PCDH15: variants seen among roughly 807,000 people sequenced by gnomAD.
The protein encoded by PCDH15 is protocadherin related 15.
Under a neutral mutation model 178.5 loss-of-function variants are expected in PCDH15, and 129 were observed. The ratio of observed to expected loss-of-function variants is 0.72; its 90% CI spans 0.63 to 0.84. The LOEUF (loss-of-function observed/expected upper bound fraction) is 0.84, where lower values mean the gene tolerates loss of function less well. Ranked by LOEUF, PCDH15 falls within the 40% of genes least tolerant of loss-of-function variation. PCDH15 has a pLI of 0.00. For missense variants in PCDH15, 2,230 were observed against 2,099.9 expected (o/e 1.06, Z -1.21); for synonymous variants, 800 against 732.0 (o/e 1.09, Z -1.50).
intron 2 of PCDH15, among the ~76,000 whole-genome samples, chr10:54,911,955 A>T (rs61854521): frequency 0.11 from 17,096 of 152,242 alleles, 1,317 homozygotes; most frequent in East Asian, 0.23. Flanking sequence ...GAAAAGAACT[A>T]ATACAAACAT....
At chr10:53,866,153 G>T (rs1589153809) in intron 27 of PCDH15, among the ~76,000 whole-genome samples, 1 of 152,094 alleles carries the variant, frequency 6.6e-6, no homozygotes, top group East Asian at 1.9e-4. Flanking sequence ...ATAGAACAAA[G>T]AAATAAATAC....
intron 26 of PCDH15, among the ~76,000 whole-genome samples, chr10:53,881,200 T>C (rs1269805817): frequency 6.6e-6 from 1 of 152,180 alleles, no homozygotes; most frequent in African/African-American, 2.4e-5. Flanking sequence ...TTTCAGGATT[T>C]GTTAGCCAGA....
At chr10:54,092,946 T>C (rs1018024905) in intron 15 of PCDH15, among the ~76,000 whole-genome samples, 12 of 152,186 alleles carry the variant, frequency 7.9e-5, no homozygotes, top group Non-Finnish European at 1.5e-5. Flanking sequence ...TTGTGTTTCA[T>C]AAAAGCCAGA....
chr10:54,415,949 T>C (rs969830768), intron 3 of PCDH15, among the ~76,000 whole-genome samples: 2 of 152,004 alleles, frequency 1.3e-5, no homozygotes, highest in African/African-American at 4.8e-5. Context: ...ATAGGTATAA[T>C]ATTTTTTAAA....
chr10:55,197,308 CTATT>C (rs970649853), intron 1 of PCDH15, among the ~76,000 whole-genome samples: 12 of 152,008 alleles, frequency 7.9e-5, no homozygotes, highest in Non-Finnish European at 1.8e-4. Context: ...ATTTTTATCT[CTATT>C]TATTCAATAA....
At chr10:55,529,591 T>A (rs889295698) in intron 2 of PCDH15, among the ~76,000 whole-genome samples, 1 of 151,362 alleles carries the variant, frequency 6.6e-6, no homozygotes, top group Non-Finnish European at 1.5e-5. Flanking sequence ...TTTGCTTTTT[T>A]ATCACTTTAC....
chr10:54,956,532 A>G (rs749023950), intron 2 of PCDH15, among the ~76,000 whole-genome samples: 3 of 151,584 alleles, frequency 2.0e-5, no homozygotes, highest in South Asian at 4.1e-4. Flanking sequence ...AGATTAAAAA[A>G]GAGTTCTACT....
At chr10:53,907,950 G>A (rs2082794797) in intron 25 of PCDH15, among the ~76,000 whole-genome samples, 1 of 152,134 alleles carries the variant, frequency 6.6e-6, no homozygotes, top group African/African-American at 2.4e-5. Context: ...AATCAAGACT[G>A]TGATGCTAGT....
intron 3 of PCDH15, among the ~76,000 whole-genome samples, chr10:54,446,370 A>G (rs989820614): frequency 5.9e-5 from 9 of 151,784 alleles, no homozygotes; most frequent in Admixed American, 2.0e-4. Context: ...CTAGATCAAT[A>G]TTTATAAAAC....
At chr10:54,078,195 T>C (rs182149319) in intron 17 of PCDH15, among the ~76,000 whole-genome samples, 109 of 152,276 alleles carry the variant, frequency 7.2e-4, no homozygotes, top group Non-Finnish European at 1.4e-3. Flanking sequence ...TTATTATATG[T>C]ATAAGTATGT....
intron 18 of PCDH15, among the ~76,000 whole-genome samples, chr10:54,026,595 T>G (rs10763053): frequency 6.6e-6 from 1 of 151,972 alleles, no homozygotes; most frequent in Non-Finnish European, 1.5e-5. Context: ...TTGATGCTTA[T>G]GGAAAAAAAG....
At chr10:54,307,959 T>A (rs908701610) in intron 8 of PCDH15, among the ~76,000 whole-genome samples, 3 of 152,078 alleles carry the variant, frequency 2.0e-5, no homozygotes, top group African/African-American at 7.2e-5. Flanking sequence ...TACTATTTGC[T>A]GGTAACTAGT....
intron 2 of PCDH15, among the ~76,000 whole-genome samples, chr10:55,084,742 A>T (rs773601434): frequency 2.6e-5 from 4 of 152,006 alleles, no homozygotes; most frequent in African/African-American, 9.6e-5. Flanking sequence ...AAAATCTAAC[A>T]ATCTGATTAA....
chr10:54,153,281 C>G lies in PCDH15; in HGVS notation c.1603G>C (p.Asp535His). 1 of 1,613,738 alleles carries G rather than the reference C, an allele frequency of 6.2e-7. No homozygotes were observed. The highest frequency in any genetic ancestry group is 8.5e-7 in the Non-Finnish European group (1 of 1,179,810). ...GDSVIQLTAV[D>H]ADEGSNGEIT... ...TCCCCATTTGACCCTTCGTCTGCGT[C>G]GACTGCAGTGAGCTGGAATTGAAAA... The change falls in exon 14 of 38, where the codon GAC becomes CAC. Residue 535 changes from aspartate (D) to histidine (H), a missense_variant. Transcript: ENST00000644397.
intron 8 of PCDH15, among the ~76,000 whole-genome samples, chr10:54,242,158 A>T (rs1591376619): frequency 9.6e-6 from 1 of 104,320 alleles, no homozygotes; most frequent in African/African-American, 3.8e-5. Flanking sequence ...ATATATATAT[A>T]TATATATATA....
chr10:55,273,161 G>A (rs1842491026), intron 1 of PCDH15, among the ~76,000 whole-genome samples: 1 of 152,116 alleles, frequency 6.6e-6, no homozygotes, highest in South Asian at 2.1e-4. Context: ...TCAACTTAGA[G>A]TGAGATAGTT....
At chr10:53,999,708 A>C (rs2092029577) in intron 20 of PCDH15, among the ~76,000 whole-genome samples, 1 of 152,120 alleles carries the variant, frequency 6.6e-6, no homozygotes, top group African/African-American at 2.4e-5. Context: ...CAAGAACACA[A>C]GGTAGAATTC....
intron 2 of PCDH15, among the ~76,000 whole-genome samples, chr10:54,965,966 G>T (rs1053802011): frequency 6.7e-6 from 1 of 149,990 alleles, no homozygotes; most frequent in Admixed American, 6.7e-5. Flanking sequence ...TTATATAATA[G>T]ACCTTATATA....
At chr10:54,095,491 A>G (rs2094684957) in intron 15 of PCDH15, among the ~76,000 whole-genome samples, 1 of 152,082 alleles carries the variant, frequency 6.6e-6, no homozygotes, top group African/African-American at 2.4e-5. Context: ...AGCTAAATCT[A>G]CAATGACAAA....
Sources: gnomAD v4.1 joint callset for allele counts (sites outside exome capture counted in the v4.1 genomes callset) on GRCh38, gnomAD v4.1.1 for gene constraint, MANE v1.5 for transcripts, NCBI Gene and HGNC (gene_info 2026-07-23, HGNC 2026-07-21) for gene names.